ANAPC1: variants seen among roughly 807,000 people sequenced by gnomAD.
The protein encoded by ANAPC1 is anaphase promoting complex subunit 1.
A neutral mutation model predicts 208.0 loss-of-function variants in ANAPC1; 36 were observed. The ratio of observed to expected loss-of-function variants is 0.17; its 90% CI spans 0.13 to 0.23. The LOEUF (loss-of-function observed/expected upper bound fraction) is 0.23, where lower values mean the gene tolerates loss of function less well. Among genes scored for constraint, ANAPC1 ranks in the 10% least tolerant of loss-of-function variants. The pLI is 1.00. For missense variants in ANAPC1, 942 were observed against 2,011.6 expected (o/e 0.47, Z 10.17); for synonymous variants, 378 against 695.2 (o/e 0.54, Z 7.18).
At chr2:111,853,112 A>C (rs374507067) in intron 13 of ANAPC1, among the ~76,000 whole-genome samples, 2 of 152,226 alleles carry the variant, frequency 1.3e-5, no homozygotes, top group Non-Finnish European at 2.9e-5. Context: ...TTGGCCCTTT[A>C]AAGTCTCTCT....
rs1205446282 is a variant in ANAPC1, at chr2:111,843,574, C to T, written c.1878G>A (p.Lys626=). The T allele has an allele frequency of 1.2e-6, 2 of 1,611,622 alleles. No individual in the cohort carries two copies. The highest frequency in any genetic ancestry group is 3.3e-5 in the Admixed American group (2 of 59,988). The part of the protein sequence containing the change: ...ELVQTCLQAI[K]FILPKEIAVQ... The stretch of plus-strand genomic sequence containing the variant: ...CTGCTATTTCTTTTGGCAGGATAAA[C>T]TTAATTGCTTGCAAACACGTTTGTA... Residue 626 remains lysine (K), a synonymous_variant, in exon 17 of 48, where the codon AAG becomes AAA. Transcript: ENST00000341068.
At chr2:111,879,031 T>C in intron 2 of ANAPC1, 60 bp from the exon 3 acceptor site, 1 of 1,545,658 alleles carries the variant, frequency 6.5e-7, no homozygotes, top group Admixed American at 2.1e-5. Flanking sequence ...TTCAAAAATC[T>C]GGAACAAAAT....
rs547752739 is a variant in ANAPC1, at chr2:111,839,920, T to C, written c.2041-1408A>G. On this transcript the variant is annotated intron_variant, in intron 17 of 47. Transcript: ENST00000341068. ...TGTCTCAGGTTAGCCAACCCTGTTA[T>C]ATGCTCCTATGGACCCTTACCCTTC... Among the ~76,000 whole-genome samples the C allele has an allele frequency of 2.3e-4, 35 of 152,300 alleles. No individual in the cohort carries two copies. In the East Asian group the frequency reaches 6.4e-3, roughly 28 times the overall value.
At chr2:111,858,595 C>T (rs576324213) in intron 10 of ANAPC1, among the ~76,000 whole-genome samples, 194 bp from the exon 11 acceptor site, 36 of 152,012 alleles carry the variant, frequency 2.4e-4, no homozygotes, top group Non-Finnish European at 1.6e-4. Context: ...CCCGTCTCTA[C>T]TAAAAATACA....
intron 2 of ANAPC1, among the ~76,000 whole-genome samples, 160 bp from the exon 3 acceptor site, chr2:111,879,131 C>A (rs1386864465): frequency 6.6e-6 from 1 of 152,164 alleles, no homozygotes; most frequent in Non-Finnish European, 1.5e-5. Context: ...ATATGCATTA[C>A]ACTACAGAAT....
At chr2:111,854,710 C>T (rs1329160586) in intron 13 of ANAPC1, among the ~76,000 whole-genome samples, 9 of 152,202 alleles carry the variant, frequency 5.9e-5, no homozygotes, top group African/African-American at 1.4e-4. Flanking sequence ...TACAACTTTT[C>T]GTCTGCAGCT....
Position 111,769,952 on chromosome 2 carries a change from G to A in ANAPC1, c.5720-546C>T, listed in dbSNP as rs563712163. ...CCGCCTCGGCCTCCCAAAGTGCTGG[G>A]ATTACAGGCGTGAGCCACTGCGCCC... On this transcript the variant is annotated intron_variant, in intron 47 of 47. Coordinates refer to ENST00000341068, the MANE Select transcript of ANAPC1 (RefSeq NM_022662.4). 2.1e-3 allele frequency among the ~76,000 whole-genome samples: 321 copies of A among 152,004 alleles called. 1 individual carries two copies. The highest frequency in any genetic ancestry group is 7.2e-3 in the African/African-American group (301 of 41,552).
chr2:111,877,525 C>T (rs1278111292), intron 3 of ANAPC1, among the ~76,000 whole-genome samples: 4 of 152,118 alleles, frequency 2.6e-5, no homozygotes, highest in Admixed American at 2.6e-4. Flanking sequence ...GCCTGTAATC[C>T]CAGCACTTTG....
chr2:111,825,243 T>C (rs1005662431), intron 22 of ANAPC1, 76 bp from the exon 23 acceptor site: 2 of 1,558,966 alleles, frequency 1.3e-6, no homozygotes, highest in South Asian at 2.4e-5. Flanking sequence ...AGAAAACATT[T>C]GAAAATAAGA....
At chr2:111,880,225 T>C (rs1683227669) in intron 2 of ANAPC1, among the ~76,000 whole-genome samples, 1 of 150,844 alleles carries the variant, frequency 6.6e-6, no homozygotes, top group Admixed American at 6.6e-5. Context: ...AATACAAAAT[T>C]AGTAGGGGTG....
intron 42 of ANAPC1, among the ~76,000 whole-genome samples, chr2:111,783,604 A>G (rs948948191): frequency 1.3e-5 from 2 of 152,154 alleles, no homozygotes; most frequent in African/African-American, 4.8e-5. Context: ...CTTAAACTAA[A>G]TCTTATGTTA....
chr2:111,810,302 T>TG lies in ANAPC1; in HGVS notation c.3598-1122dup, dbSNP rs1040653452. 4.8e-3 allele frequency among the ~76,000 whole-genome samples: 377 copies of TG among 79,122 alleles called. 3 individuals are homozygous for TG. Among genetic ancestry groups the TG allele is most frequent in the East Asian group, 0.039 (103 of 2,620 alleles). The allele number at this position is 79,122 out of a possible 152,430, so 51.9% of individuals were successfully genotyped here. On this transcript the variant is annotated intron_variant, in intron 28 of 47. Coordinates refer to ENST00000341068, the MANE Select transcript of ANAPC1 (RefSeq NM_022662.4). Reference sequence around the variant, plus strand: ...TGGTTGGCAGGAAGTGAAGTGAAGGTGGGGGGGGGTGAGGTAGAGGAATGG... The same window carrying TG: ...TGGTTGGCAGGAAGTGAAGTGAAGGTGGGGGGGGGGTGAGGTAGAGGAATGG...
intron 28 of ANAPC1, among the ~76,000 whole-genome samples, chr2:111,811,149 C>A (rs1678974989): frequency 1.3e-5 from 2 of 152,234 alleles, no homozygotes; most frequent in East Asian, 1.9e-4. Flanking sequence ...CCAGTCCCCA[C>A]CAGCCTGTTC....
chr2:111,836,289 A>C (rs929239415), intron 18 of ANAPC1, among the ~76,000 whole-genome samples: 3 of 151,488 alleles, frequency 2.0e-5, no homozygotes, highest in Non-Finnish European at 4.4e-5. Flanking sequence ...ATTTTCATTT[A>C]AAAGAAATTA....
chr2:111,883,362 TATC>T (rs1208587615), intron 1 of ANAPC1, among the ~76,000 whole-genome samples: 1 of 152,120 alleles, frequency 6.6e-6, no homozygotes, highest in Non-Finnish European at 1.5e-5. Context: ...GTTAAAGAAT[TATC>T]ATTTTGTACC....
At chr2:111,846,338 TAA>T (rs1295360566) in intron 16 of ANAPC1, among the ~76,000 whole-genome samples, 1 of 151,678 alleles carries the variant, frequency 6.6e-6, no homozygotes, top group Admixed American at 6.6e-5. Context: ...ACAATAATAT[TAA>T]GTTTTATTCA....
chr2:111,847,274 C>G lies in ANAPC1; in HGVS notation c.1792-76G>C. 4 of 937,224 alleles carry G rather than the reference C, an allele frequency of 4.3e-6. No homozygotes were observed. In the South Asian group the frequency reaches 6.4e-5, roughly 15 times the overall value. The allele number at this position is 937,224 out of a possible 1,614,324, so 58.1% of individuals were successfully genotyped here. A position where few individuals can be genotyped will look rare whatever the true frequency, so the allele number is the denominator to read the frequency against. ...TTGAATGTCTTAAAAATAGCTGGTA[C>G]AAGACTTTGCCCATCAAAGCAATAA... On this transcript the variant is annotated intron_variant, in intron 15 of 47. Transcript: ENST00000341068.
intron 14 of ANAPC1, among the ~76,000 whole-genome samples, chr2:111,848,091 T>G (rs1179224211): frequency 2.0e-5 from 3 of 151,874 alleles, no homozygotes; most frequent in Non-Finnish European, 4.4e-5. Context: ...GAGGCTGTAG[T>G]GAGCCTGTGA....
intron 26 of ANAPC1, among the ~76,000 whole-genome samples, chr2:111,820,340 CAA>C (rs1679458296): frequency 6.6e-6 from 1 of 152,216 alleles, no homozygotes; most frequent in Non-Finnish European, 1.5e-5. Context: ...ACTGAGGCAA[CAA>C]GAGGTAAAGT....
Sources: allele counts gnomAD v4.1 joint callset (sites outside exome capture counted in the v4.1 genomes callset), GRCh38; gene constraint gnomAD v4.1.1; transcripts MANE v1.5; gene names NCBI Gene and HGNC (gene_info 2026-07-23, HGNC 2026-07-21).